FHIT: variants seen among roughly 807,000 people sequenced by gnomAD.
FHIT encodes bis(5'-adenosyl)-triphosphatase.
Under a neutral mutation model 17.9 loss-of-function variants are expected in FHIT, and 19 were observed. The ratio of observed to expected loss-of-function variants is 1.06; its 90% CI spans 0.74 to 1.56. FHIT has a LOEUF of 1.56. FHIT is among the 40% of genes most tolerant of loss of function. The pLI is 0.00. For missense variants in FHIT, 248 were observed against 189.2 expected (o/e 1.31, Z -1.82); for synonymous variants, 81 against 69.7 (o/e 1.16, Z -0.81).
chr3:60,715,651 T>G, intron 4 of FHIT, among the ~76,000 whole-genome samples: 1 of 147,388 alleles, frequency 6.8e-6, no homozygotes, highest in Admixed American at 6.7e-5. Flanking sequence ...GGGGTAGCCT[T>G]AGGAGATATA....
At chr3:60,542,146 C>T (rs2036206577) in intron 4 of FHIT, among the ~76,000 whole-genome samples, 1 of 152,222 alleles carries the variant, frequency 6.6e-6, no homozygotes, top group Non-Finnish European at 1.5e-5. Context: ...TCCCATTCTT[C>T]TGTATTCTCT....
At chr3:60,583,246 T>G (rs1415743197) in intron 4 of FHIT, among the ~76,000 whole-genome samples, 1 of 151,976 alleles carries the variant, frequency 6.6e-6, no homozygotes, top group Non-Finnish European at 1.5e-5. Context: ...TGCAAACCCT[T>G]TCCAATCCAT....
intron 1 of FHIT, among the ~76,000 whole-genome samples, chr3:61,232,483 A>G (rs1484860826): frequency 6.6e-6 from 1 of 152,234 alleles, no homozygotes; most frequent in Non-Finnish European, 1.5e-5. Context: ...ATAATTTCCC[A>G]TATATGCCCA....
intron 5 of FHIT, among the ~76,000 whole-genome samples, chr3:60,169,236 C>T (rs7612775): frequency 5.3e-5 from 8 of 152,092 alleles, no homozygotes; most frequent in Admixed American, 1.3e-4. Context: ...TAGAAACACA[C>T]GAAGAGAAAT....
chr3:60,114,605 C>T (rs7630991), intron 5 of FHIT, among the ~76,000 whole-genome samples: 39,320 of 149,242 alleles, frequency 0.26, 5,906 homozygotes, highest in Non-Finnish European at 0.35. Context: ...GTCATCCTCC[C>T]GCCTCAGCCT....
chr3:60,521,259 A>AT, intron 5 of FHIT, among the ~76,000 whole-genome samples: 1 of 33,530 alleles, frequency 3.0e-5, no homozygotes, highest in East Asian at 7.0e-4. Flanking sequence ...TATTATTATT[A>AT]TTTTTTGAGG....
intron 3 of FHIT, among the ~76,000 whole-genome samples, chr3:60,993,275 A>T (rs976855802): frequency 1.1e-4 from 16 of 152,234 alleles, no homozygotes; most frequent in African/African-American, 3.9e-4. Context: ...GATTGCCTTT[A>T]GTCTTCGTCT....
rs563591926 is a variant in FHIT at position 60,483,204 on chromosome 3, A to G, written c.103+53656T>C. 4.6e-5 allele frequency among the ~76,000 whole-genome samples: 7 copies of G among 152,344 alleles called. No individual in the cohort carries two copies. In the South Asian group the frequency reaches 1.2e-3, roughly 27 times the overall value. On this transcript the variant is annotated intron_variant, in intron 5 of 9. Transcript: ENST00000492590. Reference sequence around the variant, plus strand: ...AGTAATTAACAGTCTACTGACCAAAAAAAGCCCAAGGCCACATGGATTCAC... The same window carrying G: ...AGTAATTAACAGTCTACTGACCAAAGAAAGCCCAAGGCCACATGGATTCAC...
At chr3:59,992,195 T>C (rs1042624690) in intron 7 of FHIT, among the ~76,000 whole-genome samples, 7 of 152,052 alleles carry the variant, frequency 4.6e-5, no homozygotes, top group Admixed American at 3.3e-4. Flanking sequence ...TTAGTACTAT[T>C]ACTCATTGCC....
chr3:60,123,616 G>C (rs1405902122), intron 5 of FHIT, among the ~76,000 whole-genome samples: 2 of 152,138 alleles, frequency 1.3e-5, no homozygotes, highest in South Asian at 2.1e-4. Flanking sequence ...CCAACACAGA[G>C]TCTTTTGAAT....
intron 5 of FHIT, among the ~76,000 whole-genome samples, chr3:60,432,546 G>C (rs942360698): frequency 6.6e-6 from 1 of 152,050 alleles, no homozygotes; most frequent in African/African-American, 2.4e-5. Flanking sequence ...TCTTTTAAAA[G>C]CTTCTGAGGA....
At chr3:60,415,301 T>C (rs955863484) in intron 5 of FHIT, among the ~76,000 whole-genome samples, 4 of 152,170 alleles carry the variant, frequency 2.6e-5, no homozygotes, top group Non-Finnish European at 4.4e-5. Context: ...AAAATGGGAT[T>C]CAGCAAAGCA....
intron 4 of FHIT, among the ~76,000 whole-genome samples, chr3:60,547,525 G>C (rs1269596724): frequency 6.6e-6 from 1 of 151,854 alleles, no homozygotes; most frequent in Non-Finnish European, 1.5e-5. Flanking sequence ...TCTTTTATTT[G>C]GGACTAAAAA....
At chr3:60,272,818 G>A (rs925557903) in intron 5 of FHIT, among the ~76,000 whole-genome samples, 2 of 152,158 alleles carry the variant, frequency 1.3e-5, no homozygotes, top group Non-Finnish European at 2.9e-5. Context: ...GTGTGCAAAC[G>A]GATACTGTGA....
chr3:60,136,487 C>A (rs1238474216), intron 5 of FHIT, among the ~76,000 whole-genome samples: 1 of 152,136 alleles, frequency 6.6e-6, no homozygotes, highest in African/African-American at 2.4e-5. Context: ...GTCTCACATA[C>A]CACATAATGC....
chr3:60,779,529 C>A (rs546237514), intron 4 of FHIT, among the ~76,000 whole-genome samples: 11 of 152,172 alleles, frequency 7.2e-5, no homozygotes, highest in African/African-American at 2.7e-4. Flanking sequence ...CCAAGCATCA[C>A]GTATCCAAAT....
chr3:60,194,013 A>G (rs1702514007), intron 5 of FHIT, among the ~76,000 whole-genome samples: 1 of 152,234 alleles, frequency 6.6e-6, no homozygotes, highest in Non-Finnish European at 1.5e-5. Context: ...TCATAATCTG[A>G]TTATCCAAAG....
intron 5 of FHIT, among the ~76,000 whole-genome samples, chr3:60,493,407 G>C (rs981927890): frequency 3.3e-5 from 5 of 152,026 alleles, no homozygotes; most frequent in African/African-American, 1.2e-4. Flanking sequence ...CATCTTATCA[G>C]GCAAGCCAAT....
chr3:60,811,123 C>T (rs1342416160), intron 4 of FHIT, among the ~76,000 whole-genome samples: 1 of 152,146 alleles, frequency 6.6e-6, no homozygotes, highest in African/African-American at 2.4e-5. Context: ...ACTGACAACA[C>T]AGGCATACTT....
Sources: gnomAD v4.1 joint callset for allele counts (sites outside exome capture counted in the v4.1 genomes callset) on GRCh38, gnomAD v4.1.1 for gene constraint, MANE v1.5 for transcripts, NCBI Gene and HGNC (gene_info 2026-07-23, HGNC 2026-07-21) for gene names.